Variants in TAFA1 observed in about 807,000 individuals in gnomAD.
The protein encoded by TAFA1 is TAFA chemokine like family member 1.
In TAFA1, 4 loss-of-function variants were observed where a neutral mutation model predicts 18.5. That is an observed-to-expected ratio of 0.22 (90% CI 0.11 to 0.49). TAFA1 has a LOEUF of 0.49. TAFA1 is among the 20% of genes least tolerant of loss of function. TAFA1 has a pLI of 0.98. For missense variants in TAFA1, 147 were observed against 169.0 expected (o/e 0.87, Z 0.72); for synonymous variants, 56 against 55.2 (o/e 1.01, Z -0.06).
In TAFA1 at chr3:68,076,815, A is replaced by G. The variant is rs1017682320; in HGVS notation, c.118+70071A>G. Among the ~76,000 whole-genome samples the G allele has an allele frequency of 4.6e-5, 7 of 152,386 alleles. 1 individual carries two copies. The highest frequency in any genetic ancestry group is 6.5e-5 in the Admixed American group (1 of 15,310). Reference sequence around the variant, plus strand: ...CAGCATGATTTATAGTCCTTTGGGTATATACCCAGTAATGGGATGGCTGGG... The same window carrying G: ...CAGCATGATTTATAGTCCTTTGGGTGTATACCCAGTAATGGGATGGCTGGG... On this transcript the variant is annotated intron_variant, in intron 2 of 4. Coordinates refer to ENST00000478136, the MANE Select transcript of TAFA1 (RefSeq NM_213609.4).
At chr3:68,004,944 C>T (rs1704331930) in intron 1 of TAFA1, among the ~76,000 whole-genome samples, 1 of 151,828 alleles carries the variant, frequency 6.6e-6, no homozygotes, top group Admixed American at 6.6e-5. Context: ...TCACAGTAAT[C>T]CTTTTGAGTG....
intron 2 of TAFA1, among the ~76,000 whole-genome samples, chr3:68,112,158 C>T (rs979211163): frequency 6.6e-6 from 1 of 152,120 alleles, no homozygotes; most frequent in African/African-American, 2.4e-5. Context: ...CAGTGGGCAT[C>T]TGTTCCCTGT....
intron 2 of TAFA1, among the ~76,000 whole-genome samples, chr3:68,232,455 A>G (rs766793512): frequency 6.6e-6 from 1 of 152,162 alleles, no homozygotes; most frequent in African/African-American, 2.4e-5. Context: ...CCGTTCATCT[A>G]TTGATGAACA....
intron 2 of TAFA1, among the ~76,000 whole-genome samples, chr3:68,403,364 A>C (rs1293044927): frequency 6.6e-6 from 1 of 152,196 alleles, no homozygotes; most frequent in Non-Finnish European, 1.5e-5. Flanking sequence ...GCAAAAGTTT[A>C]TTGCTTGATC....
intron 3 of TAFA1, among the ~76,000 whole-genome samples, chr3:68,481,310 T>C (rs371281520): frequency 2.0e-5 from 3 of 152,200 alleles, no homozygotes; most frequent in African/African-American, 7.2e-5. Context: ...GACCTTACTA[T>C]GACAATGGAT....
chr3:68,027,579 T>TCTG (rs1248496741), intron 2 of TAFA1, among the ~76,000 whole-genome samples: 30 of 152,188 alleles, frequency 2.0e-4, no homozygotes, highest in African/African-American at 7.2e-4. Context: ...TTGGATTGAA[T>TCTG]CTGCCATCAG....
At chr3:68,113,290 A>G (rs1441344191) in intron 2 of TAFA1, among the ~76,000 whole-genome samples, 2 of 152,246 alleles carry the variant, frequency 1.3e-5, no homozygotes, top group African/African-American at 2.4e-5. Flanking sequence ...ATTCAAGAGA[A>G]AGGTGGTGCT....
intron 2 of TAFA1, among the ~76,000 whole-genome samples, chr3:68,179,952 G>A (rs2066174248): frequency 6.6e-6 from 1 of 151,292 alleles, no homozygotes; most frequent in Non-Finnish European, 1.5e-5. Context: ...GAACAAATCA[G>A]CTAGTGTACA....
Position 68,249,770 on chromosome 3 carries a change from T to G in TAFA1, c.119-167510T>G, listed in dbSNP as rs528267049. The stretch of plus-strand genomic sequence containing the variant: ...CAGTCATAAAAGAGCAGAATTAAAT[T>G]AAGGCTGCTAAAAGTAGAGAAGGCA... On this transcript the variant is annotated intron_variant, in intron 2 of 4. Transcript: ENST00000478136. 3.9e-5 allele frequency among the ~76,000 whole-genome samples: 6 copies of G among 152,174 alleles called. No individual in the cohort carries two copies. In the South Asian group the frequency reaches 1.2e-3, roughly 32 times the overall value.
chr3:68,053,645 C>A (rs767598634), intron 2 of TAFA1, among the ~76,000 whole-genome samples: 1 of 152,084 alleles, frequency 6.6e-6, no homozygotes, highest in Non-Finnish European at 1.5e-5. Context: ...ATTAAGCTTC[C>A]AGCAAAGCAG....
intron 2 of TAFA1, among the ~76,000 whole-genome samples, chr3:68,194,364 G>A (rs184270126): frequency 1.3e-5 from 2 of 151,642 alleles, no homozygotes; most frequent in African/African-American, 4.8e-5. Flanking sequence ...TTTTCCCCAC[G>A]TAGATTTTTC....
intron 2 of TAFA1, among the ~76,000 whole-genome samples, chr3:68,113,920 T>TA (rs2065295482): frequency 8.5e-6 from 1 of 117,350 alleles, no homozygotes; most frequent in African/African-American, 3.2e-5. Flanking sequence ...TTTTTTTTTT[T>TA]ATGAGACAGA....
chr3:68,383,055 A>T (rs573955103), intron 2 of TAFA1, among the ~76,000 whole-genome samples: 12 of 152,226 alleles, frequency 7.9e-5, no homozygotes, highest in Admixed American at 6.5e-4. Context: ...TTGATTTTGT[A>T]TCCTGAGACT....
chr3:68,180,199 ATT>A (rs11308331), intron 2 of TAFA1, among the ~76,000 whole-genome samples: 92 of 146,640 alleles, frequency 6.3e-4, no homozygotes, highest in East Asian at 2.8e-3. Flanking sequence ...CACCTGGCTA[ATT>A]TTTTTTTTTT....
At chr3:68,063,509 A>G (rs1281928160) in intron 2 of TAFA1, among the ~76,000 whole-genome samples, 1 of 152,238 alleles carries the variant, frequency 6.6e-6, no homozygotes, top group Admixed American at 6.5e-5. Flanking sequence ...ACATTTCATA[A>G]TTATAATGTA....
At chr3:68,526,399 C>T (rs1298347648) in intron 3 of TAFA1, among the ~76,000 whole-genome samples, 1 of 152,132 alleles carries the variant, frequency 6.6e-6, no homozygotes, top group African/African-American at 2.4e-5. Flanking sequence ...AAATACCTTA[C>T]AATCAGTGTA....
chr3:68,027,019 G>A (rs1704831013), intron 2 of TAFA1, among the ~76,000 whole-genome samples: 1 of 151,886 alleles, frequency 6.6e-6, no homozygotes, highest in African/African-American at 2.4e-5. Flanking sequence ...AGAGAGAGGG[G>A]GGAGGTGGCA....
At chr3:68,260,735 G>C (rs548865844) in intron 2 of TAFA1, among the ~76,000 whole-genome samples, 22 of 152,184 alleles carry the variant, frequency 1.4e-4, no homozygotes, top group African/African-American at 4.3e-4. Context: ...AGCTGAAATT[G>C]GATCCCTTCC....
intron 2 of TAFA1, among the ~76,000 whole-genome samples, chr3:68,364,750 T>A (rs1227022040): frequency 6.6e-6 from 1 of 152,212 alleles, no homozygotes; most frequent in African/African-American, 2.4e-5. Flanking sequence ...CTCCTTCATA[T>A]GTGCCAGGCA....
Sources: allele counts gnomAD v4.1 joint callset (sites outside exome capture counted in the v4.1 genomes callset), GRCh38; gene constraint gnomAD v4.1.1; transcripts MANE v1.5; gene names NCBI Gene and HGNC (gene_info 2026-07-23, HGNC 2026-07-21).